Variants in ADAM29 observed in about 807,000 individuals in gnomAD.
The protein encoded by ADAM29 is ADAM metallopeptidase domain 29.
For missense variants in ADAM29, 969 were observed against 1,001.8 expected (o/e 0.97, Z 0.44); for synonymous variants, 367 against 342.3 (o/e 1.07, Z -0.80).
chr4:174,954,488 A>G (rs1297287017), intron 4 of ADAM29, among the ~76,000 whole-genome samples: 1 of 152,134 alleles, frequency 6.6e-6, no homozygotes, highest in Non-Finnish European at 1.5e-5. Flanking sequence ...ATTCCAGCAA[A>G]TGACCACCGA....
intron 4 of ADAM29, among the ~76,000 whole-genome samples, chr4:174,939,911 CTT>C (rs953332374): frequency 6.6e-6 from 1 of 151,982 alleles, no homozygotes; most frequent in African/African-American, 2.4e-5. Context: ...TGAATACAAA[CTT>C]TCCTTTTTCT....
chr4:174,962,784 GA>G (rs144902734), intron 4 of ADAM29, among the ~76,000 whole-genome samples: 2,257 of 150,838 alleles, frequency 0.015, 58 homozygotes, highest in African/African-American at 0.051. Flanking sequence ...AAATTTGAAA[GA>G]AAAAAAAACT....
rs1167219203 is a variant in ADAM29, at chr4:174,977,588, T to A, written c.2063T>A (p.Phe688Tyr). ...YLCILLLIVL[F>Y]ILLCCLYRLC... ...TGTATATTGTTGCTTATTGTTTTGTTTATTTTATTATGTTGTCTTTATCGA... is the reference window on the plus strand; with the variant it reads ...TGTATATTGTTGCTTATTGTTTTGTATATTTTATTATGTTGTCTTTATCGA... Residue 688 changes from phenylalanine (F) to tyrosine (Y), a missense_variant, in exon 5 of 5, where the codon TTT becomes TAT. Phe to Tyr is a conservative substitution (Grantham distance 22). Transcript: ENST00000359240. The A allele has an allele frequency of 1.2e-6, 2 of 1,613,562 alleles. No homozygotes were observed. The highest frequency in any genetic ancestry group is 1.7e-6 in the Non-Finnish European group (2 of 1,179,806).
intron 4 of ADAM29, among the ~76,000 whole-genome samples, chr4:174,949,666 C>T (rs28649964): frequency 0.013 from 1,927 of 151,978 alleles, 41 homozygotes; most frequent in African/African-American, 0.044. Flanking sequence ...GCCAGTCTGC[C>T]CCGTATCACA....
At chr4:174,953,853 G>A (rs1221297013) in intron 4 of ADAM29, among the ~76,000 whole-genome samples, 4 of 152,050 alleles carry the variant, frequency 2.6e-5, no homozygotes, top group African/African-American at 9.7e-5. Flanking sequence ...GGGACTATAG[G>A]CATGCACCAC....
intron 2 of ADAM29, among the ~76,000 whole-genome samples, chr4:174,923,246 G>A (rs925225321): frequency 1.3e-5 from 2 of 151,464 alleles, no homozygotes; most frequent in African/African-American, 2.4e-5. Context: ...TAGTATAGAC[G>A]GGATTTCACC....
At chr4:174,951,052 A>C (rs6825407) in intron 4 of ADAM29, among the ~76,000 whole-genome samples, 83,483 of 151,984 alleles carry the variant, frequency 0.55, 23,343 homozygotes, top group Non-Finnish European at 0.58. Flanking sequence ...CATAATTTAC[A>C]CAGTCTCAGG....
chr4:174,973,842 T>G (rs1746603147), intron 4 of ADAM29, among the ~76,000 whole-genome samples: 2 of 152,172 alleles, frequency 1.3e-5, no homozygotes, highest in East Asian at 3.9e-4. Flanking sequence ...CAACGAGGCT[T>G]TGGTCTTCCT....
At chr4:174,965,191 T>C (rs1746075749) in intron 4 of ADAM29, among the ~76,000 whole-genome samples, 1 of 152,130 alleles carries the variant, frequency 6.6e-6, no homozygotes, top group Non-Finnish European at 1.5e-5. Flanking sequence ...TGCTGCTTCC[T>C]CCGTGGCAGA....
intron 4 of ADAM29, among the ~76,000 whole-genome samples, chr4:174,948,083 T>C (rs1744955722): frequency 6.6e-6 from 1 of 152,224 alleles, no homozygotes; most frequent in South Asian, 2.1e-4. Context: ...TTTGTTTGTA[T>C]TCCTTAGATT....
At chr4:174,952,269 G>A (rs948924702) in intron 4 of ADAM29, among the ~76,000 whole-genome samples, 2 of 151,806 alleles carry the variant, frequency 1.3e-5, no homozygotes, top group South Asian at 2.1e-4. Flanking sequence ...CCTAGCTGCT[G>A]CGATGATGGC....
rs530831522 is a variant in ADAM29, at chr4:174,934,177, G to A, written c.-261-2756G>A. On this transcript the variant is annotated intron_variant, in intron 3 of 4. Transcript: ENST00000359240. The stretch of plus-strand genomic sequence containing the variant: ...TAGCCATTCTGACTGGTGTGAGATG[G>A]TATCTCATTGTGTTTTTGATTTGCA... Among the ~76,000 whole-genome samples, 10 of 152,064 alleles carry A rather than the reference G, an allele frequency of 6.6e-5. No homozygotes were observed. In the South Asian group the frequency reaches 1.2e-3, roughly 19 times the overall value.
intron 4 of ADAM29, among the ~76,000 whole-genome samples, chr4:174,959,096 C>T (rs912358062): frequency 1.3e-5 from 2 of 151,826 alleles, no homozygotes; most frequent in Admixed American, 1.3e-4. Flanking sequence ...ATTCAAGATT[C>T]TGACTTATAT....
At chr4:174,942,984 G>C (rs998444050) in intron 4 of ADAM29, among the ~76,000 whole-genome samples, 1 of 152,112 alleles carries the variant, frequency 6.6e-6, no homozygotes, top group Non-Finnish European at 1.5e-5. Flanking sequence ...AATTTCTTCT[G>C]TCAGATACTT....
intron 4 of ADAM29, among the ~76,000 whole-genome samples, chr4:174,963,095 CA>C (rs1745942010): frequency 6.6e-6 from 1 of 151,880 alleles, no homozygotes; most frequent in Non-Finnish European, 1.5e-5. Flanking sequence ...TGAATCTAAT[CA>C]AAATTCTAAG....
At chr4:174,967,143 G>A (rs922975567) in intron 4 of ADAM29, among the ~76,000 whole-genome samples, 2 of 152,076 alleles carry the variant, frequency 1.3e-5, no homozygotes, top group African/African-American at 4.8e-5. Context: ...TAACATTTTT[G>A]AGTTTGTTTT....
chr4:174,935,056 A>G (rs1398254096), intron 3 of ADAM29, among the ~76,000 whole-genome samples: 5 of 152,154 alleles, frequency 3.3e-5, no homozygotes, highest in Non-Finnish European at 7.4e-5. Context: ...AACTGTGTTC[A>G]TATATTATAG....
At chr4:174,953,382 T>C (rs1431947127) in intron 4 of ADAM29, among the ~76,000 whole-genome samples, 2 of 152,204 alleles carry the variant, frequency 1.3e-5, no homozygotes, top group Non-Finnish European at 2.9e-5. Flanking sequence ...TTTACTAAAG[T>C]ATACTATTTT....
intron 2 of ADAM29, chr4:174,924,019 T>C (rs929352066): frequency 6.6e-6 from 1 of 152,246 alleles, no homozygotes; most frequent in Admixed American, 6.5e-5. Context: ...AAGAAGGCAG[T>C]TGTCTTCATT....
Sources: gnomAD v4.1 joint callset for allele counts (sites outside exome capture counted in the v4.1 genomes callset) on GRCh38, gnomAD v4.1.1 for gene constraint, MANE v1.5 for transcripts, NCBI Gene and HGNC (gene_info 2026-07-23, HGNC 2026-07-21) for gene names.